Variants in FAM81A observed in about 807,000 individuals in gnomAD.
The protein encoded by FAM81A is family with sequence similarity 81 member A.
A neutral mutation model predicts 46.7 loss-of-function variants in FAM81A; 19 were observed. The ratio of observed to expected loss-of-function variants is 0.41; its 90% CI spans 0.28 to 0.60. FAM81A has a LOEUF of 0.60. FAM81A is among the 20% of genes least tolerant of loss of function. The pLI, the probability that FAM81A is intolerant of heterozygous loss-of-function variation, is 0.34. For missense variants in FAM81A, 377 were observed against 453.5 expected (o/e 0.83, Z 1.53); for synonymous variants, 183 against 152.9 (o/e 1.20, Z -1.45).
chr15:59,490,647 C>T (rs777428424), intron 3 of FAM81A, among the ~76,000 whole-genome samples: 8 of 152,244 alleles, frequency 5.3e-5, no homozygotes, highest in Non-Finnish European at 1.0e-4. Flanking sequence ...GCCTGGTCAA[C>T]ACGGTGAAAC....
intron 2 of FAM81A, among the ~76,000 whole-genome samples, chr15:59,424,226 C>A (rs1450724821): frequency 6.6e-6 from 1 of 152,226 alleles, no homozygotes; most frequent in Non-Finnish European, 1.5e-5. Flanking sequence ...CCTTGAAACT[C>A]TTCTTTTGTC....
At chr15:59,456,514 C>T (rs2081486425) in intron 1 of FAM81A, among the ~76,000 whole-genome samples, 1 of 152,134 alleles carries the variant, frequency 6.6e-6, no homozygotes, top group African/African-American at 2.4e-5. Flanking sequence ...GAAAAATCGA[C>T]CCCTCTCCTG....
At chr15:59,447,760 G>A (rs1032356611) in intron 1 of FAM81A, among the ~76,000 whole-genome samples, 2 of 152,146 alleles carry the variant, frequency 1.3e-5, no homozygotes, top group African/African-American at 4.8e-5. Context: ...CAGCAATTTG[G>A]CAGGGGGAAA....
intron 3 of FAM81A, among the ~76,000 whole-genome samples, chr15:59,469,390 G>C (rs532169272): frequency 6.6e-6 from 1 of 152,248 alleles, no homozygotes; most frequent in Non-Finnish European, 1.5e-5. Flanking sequence ...GAATCTGGGT[G>C]CTCCTGTATT....
intron 6 of FAM81A, among the ~76,000 whole-genome samples, chr15:59,510,751 C>T (rs1416663503): frequency 3.4e-5 from 4 of 116,240 alleles, no homozygotes; most frequent in African/African-American, 1.5e-4. Context: ...GCACTCCAGC[C>T]TAAGTGACAG....
chr15:59,429,313 T>C (rs2141562287), intron 2 of FAM81A, among the ~76,000 whole-genome samples: 1 of 152,348 alleles, frequency 6.6e-6, no homozygotes, highest in East Asian at 1.9e-4. Flanking sequence ...TTTCTGGTAG[T>C]TCTGTTCAAT....
At chr15:59,444,625 C>A (rs1447722135) in intron 1 of FAM81A, among the ~76,000 whole-genome samples, 1 of 152,170 alleles carries the variant, frequency 6.6e-6, no homozygotes, top group African/African-American at 2.4e-5. Context: ...CTGGCCTCCT[C>A]TCTCTCCTCT....
chr15:59,506,103 A>G (rs1254322564), intron 4 of FAM81A, among the ~76,000 whole-genome samples: 1 of 152,048 alleles, frequency 6.6e-6, no homozygotes, highest in Non-Finnish European at 1.5e-5. Flanking sequence ...TTTCTCCCTC[A>G]GTCCACCTGG....
intron 2 of FAM81A, among the ~76,000 whole-genome samples, chr15:59,421,869 C>CTCTATCTATCTA (rs59527837): frequency 7.0e-4 from 103 of 147,088 alleles, no homozygotes; most frequent in Admixed American, 1.3e-3. Context: ...ACCCTCAACC[C>CTCTATCTATCTA]TCTATCTATC....
chr15:59,516,543 C>G (rs1290538660), intron 7 of FAM81A, 102 bp from the exon 8 acceptor site: 9 of 1,171,738 alleles, frequency 7.7e-6, no homozygotes, highest in Non-Finnish European at 8.5e-6. Context: ...TGTTGCAAAT[C>G]TGTTTCTTGC....
rs1263059777 is a variant in FAM81A at position 59,501,398 on chromosome 15, G to T, written c.414-5815G>T. On this transcript the variant is annotated intron_variant, in intron 4 of 8. Coordinates refer to ENST00000288228, the MANE Select transcript of FAM81A (RefSeq NM_152450.3). ...TATACTATTTTTGACAATGCCCTGG[G>T]ACATAAATTGTCGTATAGTCTGATG... Among the ~76,000 whole-genome samples the T allele has an allele frequency of 2.3e-4, 35 of 152,018 alleles. 1 individual carries two copies. Among genetic ancestry groups the T allele is most frequent in the Admixed American group, 2.2e-3 (34 of 15,236 alleles).
At chr15:59,440,079 C>T (rs1293095937) in intron 1 of FAM81A, 20 of 152,250 alleles carry the variant, frequency 1.3e-4, no homozygotes, top group African/African-American at 4.8e-4. Context: ...CTTAGTGCTG[C>T]CTCCAAACCA....
In FAM81A at chr15:59,410,553, C is replaced by A. The variant is rs79070771; in HGVS notation, c.-78+8195C>A. Among the ~76,000 whole-genome samples the A allele has an allele frequency of 1.4e-3, 196 of 143,688 alleles. 1 individual carries two copies. The East Asian group carries it at 0.037, about 27-fold the overall frequency. 94.3% of individuals were successfully genotyped at this position (143,688 alleles called of 152,430 possible). A position where few individuals can be genotyped will look rare whatever the true frequency, so the allele number is the denominator to read the frequency against. ...TGAGCTGTGGACTACGAGAAAAAAACCAGAGTGACTGAAGGAGAAGGAACT... is the reference window on the plus strand; with the variant it reads ...TGAGCTGTGGACTACGAGAAAAAAAACAGAGTGACTGAAGGAGAAGGAACT... On this transcript the variant is annotated intron_variant, in intron 2 of 4. Coordinates refer to the FAM81A transcript ENST00000558348.
chr15:59,446,808 A>T (rs1230770676), intron 1 of FAM81A: 2 of 152,196 alleles, frequency 1.3e-5, no homozygotes, highest in African/African-American at 2.4e-5. Context: ...CCCAGCTTTG[A>T]TGAGAGCACC....
chr15:59,482,419 C>G (rs1300463442), intron 3 of FAM81A, among the ~76,000 whole-genome samples: 1 of 152,170 alleles, frequency 6.6e-6, no homozygotes, highest in Non-Finnish European at 1.5e-5. Flanking sequence ...CAGGTGCCCG[C>G]CACCATGCCT....
In FAM81A at chr15:59,460,149, G is replaced by A. The variant is rs750594834; in HGVS notation, c.237G>A (p.Leu79=). The A allele has an allele frequency of 6.2e-7, 1 of 1,614,034 alleles. No homozygotes were observed. The highest frequency in any genetic ancestry group is 1.1e-5 in the South Asian group (1 of 91,074). Residue 79 remains leucine (L), a synonymous_variant, in exon 3 of 9, where the codon TTG becomes TTA. Coordinates refer to ENST00000288228, the MANE Select transcript of FAM81A (RefSeq NM_152450.3). The surrounding 1 kb of genome is among the most constrained non-coding windows in gnomAD (Gnocchi z 4.4). ...GTGACCGCTTGGCCAGGCTTTTCTT[G>A]GAGGAGCATATCAGAAACATAACTG... The part of the protein sequence containing the change: ...GGGDRLARLF[L]EEHIRNITAI...
intron 1 of FAM81A, among the ~76,000 whole-genome samples, chr15:59,447,760 G>T (rs1032356611): frequency 6.6e-6 from 1 of 152,146 alleles, no homozygotes; most frequent in African/African-American, 2.4e-5. Context: ...CAGCAATTTG[G>T]CAGGGGGAAA....
intron 2 of FAM81A, among the ~76,000 whole-genome samples, chr15:59,425,945 A>G (rs1402050989): frequency 2.6e-5 from 4 of 152,226 alleles, no homozygotes; most frequent in African/African-American, 9.6e-5. Flanking sequence ...AATGGGCTCA[A>G]ACTGAACTTA....
chr15:59,486,187 A>AAAGG (rs1455916926), intron 3 of FAM81A, among the ~76,000 whole-genome samples: 4 of 152,074 alleles, frequency 2.6e-5, no homozygotes, highest in African/African-American at 7.3e-5. Context: ...AGAAAGAAAG[A>AAAGG]AAGGAAAGAA....
Sources: gnomAD v4.1 joint callset for allele counts (sites outside exome capture counted in the v4.1 genomes callset) on GRCh38, gnomAD v4.1.1 for gene constraint, Gnocchi (gnomAD v3.1) non-coding constraint, MANE v1.5 for transcripts, NCBI Gene and HGNC (gene_info 2026-07-23, HGNC 2026-07-21) for gene names.